The following CYP3A5 variants were observed in gnomAD, a reference collection of about 807,000 sequenced individuals.
CYP3A5 encodes cytochrome P450 3A5.
A neutral mutation model predicts 55.9 loss-of-function variants in CYP3A5; 51 were observed. The observed-to-expected ratio is 0.91, with a 90% CI of 0.73 to 1.15. The LOEUF (loss-of-function observed/expected upper bound fraction) is 1.15. Ranked by LOEUF, CYP3A5 falls within the 50% of genes most tolerant of loss-of-function variation. CYP3A5 has a pLI of 0.00. For missense variants in CYP3A5, 533 were observed against 596.6 expected, an observed-to-expected ratio of 0.89 and a Z score of 1.11; for synonymous variants, 196 against 213.9, an observed-to-expected ratio of 0.92 and a Z score of 0.73.
At chr7:99,656,129 G>A (rs1809703305) in intron 10 of CYP3A5, among the ~76,000 whole-genome samples, 1 of 152,162 alleles carries the variant, frequency 6.6e-6, no homozygotes, top group Admixed American at 6.5e-5. Context: ...GAATAGGAGT[G>A]GTGAGAGAGG....
intron 10 of CYP3A5, among the ~76,000 whole-genome samples, chr7:99,656,327 T>A (rs1809729682): frequency 6.6e-6 from 1 of 152,272 alleles, no homozygotes; most frequent in East Asian, 1.9e-4. Context: ...TTTCTGCATC[T>A]ATTGAGATAA....
intron 1 of CYP3A5, among the ~76,000 whole-genome samples, chr7:99,677,629 G>A (rs1240718202): frequency 6.6e-6 from 1 of 152,204 alleles, no homozygotes; most frequent in Admixed American, 6.5e-5. Flanking sequence ...ATTACATGAA[G>A]GGCAGGGTTT....
intron 11 of CYP3A5, 95 bp from the exon 12 acceptor site, chr7:99,650,327 C>T: frequency 8.7e-7 from 1 of 1,150,150 alleles, no homozygotes; most frequent in Non-Finnish European, 1.3e-6. Flanking sequence ...CCCCCTCCAC[C>T]TCCCAACCAG....
chr7:99,660,184 T>C, intron 10 of CYP3A5: 2 of 992,038 alleles, frequency 2.0e-6, no homozygotes, highest in Non-Finnish European at 2.4e-6. Flanking sequence ...ACTGGAGCTG[T>C]TCCTGTTTGG....
At chr7:99,659,385 A>T (rs914407176) in intron 10 of CYP3A5, 4 of 154,256 alleles carry the variant, frequency 2.6e-5, no homozygotes, top group African/African-American at 9.6e-5. Flanking sequence ...AGGCTGCAGA[A>T]CAGCGGTATT....
rs28365070 is a variant in CYP3A5 at position 99,679,578 on chromosome 7, C to T, written c.71+248G>A. Reference sequence around the variant, plus strand: ...CAGATCTAAGCTAATCAAATCATTCCCACTACCAAATGCTGTCCCTAAACC... The same window carrying T: ...CAGATCTAAGCTAATCAAATCATTCTCACTACCAAATGCTGTCCCTAAACC... On this transcript the variant is annotated intron_variant, in intron 1 of 12. Transcript: ENST00000222982. Among the ~76,000 whole-genome samples the T allele has an allele frequency of 0.019, 2,936 of 152,208 alleles. 110 individuals are homozygous for T. Among genetic ancestry groups the T allele is most frequent in the African/African-American group, 0.067 (2,789 of 41,484 alleles).
chr7:99,667,916 A>G (rs1811201192), intron 4 of CYP3A5, among the ~76,000 whole-genome samples: 2 of 152,250 alleles, frequency 1.3e-5, no homozygotes, highest in African/African-American at 4.8e-5. Flanking sequence ...TTCTTACTAA[A>G]GAGCATACCT....
intron 8 of CYP3A5, chr7:99,663,513 T>A: frequency 2.0e-6 from 2 of 991,308 alleles, no homozygotes; most frequent in Non-Finnish European, 2.4e-6. Context: ...AACACTCACA[T>A]TTACCACACA....
intron 10 of CYP3A5, 151 bp from the exon 11 acceptor site, chr7:99,652,930 A>G: frequency 1.6e-6 from 1 of 640,134 alleles, no homozygotes; most frequent in East Asian, 2.8e-5. Flanking sequence ...AATAACTGGC[A>G]TGTCCATTGA....
Position 99,671,814 on chromosome 7 carries a change from G to A in CYP3A5, c.318+766C>T, listed in dbSNP as rs1811668746. 7.1e-6 allele frequency: 5 copies of A among 702,920 alleles called. No individual in the cohort carries two copies. In the Middle Eastern group the frequency reaches 6.9e-4, roughly 97 times the overall value. 43.5% of individuals were successfully genotyped at this position (702,920 alleles called of 1,614,324 possible). A position where few individuals can be genotyped will look rare whatever the true frequency, so the allele number is the denominator to read the frequency against. ...AACTCCATGTTGTGACTGTAGGACA[G>A]CAGGAGGGAGCCACATGGTGACGGA... On this transcript the variant is annotated intron_variant, in intron 4 of 12. Coordinates refer to ENST00000222982, the MANE Select transcript of CYP3A5 (RefSeq NM_000777.5).
chr7:99,649,604 G>A (rs772556984), intron 12 of CYP3A5, among the ~76,000 whole-genome samples: 1 of 152,152 alleles, frequency 6.6e-6, no homozygotes, highest in Non-Finnish European at 1.5e-5. Context: ...GTCACGCTCT[G>A]GGTTAATTAG....
At position 99,660,595 on chromosome 7, in the gene CYP3A5, G is replaced by C; in HGVS notation, c.930C>G (p.Thr310=). 17 of 1,613,992 alleles carry C rather than the reference G, an allele frequency of 1.1e-5. No individual in the cohort carries two copies. Among genetic ancestry groups the C allele is most frequent in the Non-Finnish European group, 1.4e-5 (16 of 1,179,974 alleles). Residue 310 remains threonine, a synonymous_variant, in exon 10 of 13, where the codon ACC becomes ACG. Transcript: ENST00000222982. ...IIFIFAGYET[T]SSVLSFTLYE... is the part of the protein sequence containing the mutation. ...ATAAAGTGAAGGAAAGAACACTGCT[G>C]GTGGTTTCATAGCCAGCAAAAATGA...
intron 10 of CYP3A5, 56 bp from the exon 11 acceptor site, chr7:99,652,835 G>T: frequency 7.5e-7 from 1 of 1,341,950 alleles, no homozygotes; most frequent in South Asian, 1.3e-5. Flanking sequence ...ACTCTCAACT[G>T]AGTCCATGCA....
intron 1 of CYP3A5, among the ~76,000 whole-genome samples, chr7:99,677,460 C>T (rs4646446): frequency 0.058 from 8,817 of 152,272 alleles, 529 homozygotes; most frequent in East Asian, 0.25. Context: ...GCAAATGGTG[C>T]AGTATGGCAT....
Position 99,653,431 on chromosome 7 carries a change from G to A in CYP3A5, c.1027-652C>T, listed in dbSNP as rs533245980. ...GCACCACTGCCCTCCAGCTTGGGTC[G>A]TAGAGTCAGACCCTGTCTCAAATAA... On this transcript the variant is annotated intron_variant, in intron 10 of 12. Coordinates refer to ENST00000222982, the MANE Select transcript of CYP3A5 (RefSeq NM_000777.5). The surrounding 1 kb of genome is among the most constrained non-coding windows in gnomAD (Gnocchi z 4.2). 1.3e-4 allele frequency among the ~76,000 whole-genome samples: 19 copies of A among 148,306 alleles called. No individual in the cohort carries two copies. Among genetic ancestry groups the A allele is most frequent in the Non-Finnish European group, 2.5e-4 (17 of 67,626 alleles).
At chr7:99,674,059 A>C (rs1563002602) in intron 3 of CYP3A5, among the ~76,000 whole-genome samples, 2 of 152,200 alleles carry the variant, frequency 1.3e-5, no homozygotes, top group Admixed American at 6.5e-5. Flanking sequence ...CAAGAAGGCT[A>C]TGAAGAGAGG....
intron 2 of CYP3A5, among the ~76,000 whole-genome samples, chr7:99,675,650 TCC>T (rs1419231515): frequency 0.012 from 3 of 260 alleles, no homozygotes; most frequent in Non-Finnish European, 0.02. Context: ...TCCTCCCCCC[TCC>T]CCTCCCCTCC....
At chr7:99,652,525 T>G in intron 11 of CYP3A5, 28 bp downstream of exon 11, 46 of 1,525,552 alleles carry the variant, frequency 3.0e-5, no homozygotes, top group Non-Finnish European at 3.9e-5. Context: ...TGGGTCAGGG[T>G]GAGCTCCATT....
intron 10 of CYP3A5, among the ~76,000 whole-genome samples, chr7:99,657,947 T>G (rs192490452): frequency 1.3e-5 from 2 of 152,324 alleles, no homozygotes; most frequent in African/African-American, 2.4e-5. Flanking sequence ...TAGATCTTCC[T>G]CCATCCCTTT....
Sources: allele counts gnomAD v4.1 joint callset (sites outside exome capture counted in the v4.1 genomes callset), GRCh38; gene constraint gnomAD v4.1.1; non-coding constraint Gnocchi (gnomAD v3.1); transcripts MANE v1.5; gene names NCBI Gene and HGNC (gene_info 2026-07-23, HGNC 2026-07-21).